Variants in GALNTL6 observed in about 807,000 individuals in gnomAD.
The protein encoded by GALNTL6 is polypeptide N-acetylgalactosaminyltransferase-like 6.
In GALNTL6, 46 loss-of-function variants were observed where a neutral mutation model predicts 73.7. The ratio of observed to expected loss-of-function variants is 0.62; its 90% CI spans 0.49 to 0.80. The LOEUF (loss-of-function observed/expected upper bound fraction) is 0.80, where lower values mean the gene tolerates loss of function less well. GALNTL6 is among the 30% of genes least tolerant of loss of function. The pLI is 0.00. For synonymous variants in GALNTL6, 259 were observed against 263.7 expected, an observed-to-expected ratio of 0.98 and a Z score of 0.17; for missense variants, 604 against 755.0, an observed-to-expected ratio of 0.80 and a Z score of 2.34.
At chr4:172,895,103 T>C (rs1330507685) in intron 8 of GALNTL6, among the ~76,000 whole-genome samples, 1 of 151,754 alleles carries the variant, frequency 6.6e-6, no homozygotes, top group African/African-American at 2.4e-5. Flanking sequence ...AGTGAGTTTC[T>C]TATAGGCAGC....
chr4:173,009,254 G>A lies in GALNTL6; in HGVS notation c.1448G>A (p.Cys483Tyr). The A allele has an allele frequency of 6.2e-7, 1 of 1,614,022 alleles. No homozygotes were observed. Among genetic ancestry groups the A allele is most frequent in the South Asian group, 1.1e-5 (1 of 91,090 alleles). ...ATGTELRLDI[C>Y]VKDGSERTWS... ...GGAACAGAGCTGAGGCTGGACATCT[G>A]TGTCAAGGATGGTTCTGAAAGAACA... is the stretch of plus-strand genomic sequence containing the variant. The change falls in exon 11 of 13, where the codon TGT becomes TAT. Residue 483 changes from cysteine (C) to tyrosine (Y), a missense_variant. This residue lies in a region of GALNTL6 where 261 missense variants were observed against 296.5 expected (regional missense o/e 0.88). Coordinates refer to ENST00000506823, the MANE Select transcript of GALNTL6 (RefSeq NM_001034845.3).
chr4:171,848,685 C>T (rs1735439975), intron 2 of GALNTL6, among the ~76,000 whole-genome samples: 1 of 152,176 alleles, frequency 6.6e-6, no homozygotes, highest in Non-Finnish European at 1.5e-5. Flanking sequence ...ACCTCATGAA[C>T]CAACCTCTCC....
intron 5 of GALNTL6, among the ~76,000 whole-genome samples, chr4:172,627,817 AT>A (rs2111086605): frequency 1.3e-5 from 2 of 151,794 alleles, no homozygotes; most frequent in South Asian, 4.2e-4. Flanking sequence ...GTCTCTGAGA[AT>A]TTTTTGTATT....
chr4:172,858,183 A>C (rs919877395), intron 7 of GALNTL6, among the ~76,000 whole-genome samples: 1 of 152,204 alleles, frequency 6.6e-6, no homozygotes, highest in African/African-American at 2.4e-5. Flanking sequence ...CTCCGATAAT[A>C]GAAACAACAC....
At chr4:172,005,608 A>ATG (rs2110768364) in intron 2 of GALNTL6, among the ~76,000 whole-genome samples, 1 of 152,292 alleles carries the variant, frequency 6.6e-6, no homozygotes, top group Non-Finnish European at 1.5e-5. Flanking sequence ...ACATATATGT[A>ATG]TGTGTGTGTA....
chr4:172,288,897 C>A (rs1200584289), intron 3 of GALNTL6, among the ~76,000 whole-genome samples: 1 of 152,028 alleles, frequency 6.6e-6, no homozygotes, highest in Non-Finnish European at 1.5e-5. Flanking sequence ...AACTAAAATG[C>A]CAATTTCAAA....
intron 7 of GALNTL6, among the ~76,000 whole-genome samples, chr4:172,881,396 G>C (rs1745442869): frequency 6.6e-6 from 1 of 152,148 alleles, no homozygotes. Context: ...CACTTTCCTG[G>C]AGAAAAACCT....
chr4:172,980,823 A>G (rs1266915295), intron 10 of GALNTL6, among the ~76,000 whole-genome samples: 1 of 152,206 alleles, frequency 6.6e-6, no homozygotes, highest in Non-Finnish European at 1.5e-5. Flanking sequence ...GGCACAATTC[A>G]GTCCATTACA....
intron 7 of GALNTL6, among the ~76,000 whole-genome samples, chr4:172,835,306 G>A (rs903850056): frequency 6.6e-6 from 1 of 152,212 alleles, no homozygotes. Context: ...ACTCCAGCTG[G>A]GAATTGCTGG....
chr4:172,654,637 CT>C (rs1730887181), intron 5 of GALNTL6, among the ~76,000 whole-genome samples: 1 of 152,178 alleles, frequency 6.6e-6, no homozygotes, highest in South Asian at 2.1e-4. Context: ...GCAGGCTGAA[CT>C]TCCCATAAAT....
intron 5 of GALNTL6, among the ~76,000 whole-genome samples, chr4:172,355,267 G>T (rs939835555): frequency 1.3e-5 from 2 of 151,906 alleles, no homozygotes; most frequent in Non-Finnish European, 2.9e-5. Flanking sequence ...AATTTACAAA[G>T]ATATATTTGC....
At chr4:172,131,332 T>A (rs1014117880) in intron 2 of GALNTL6, among the ~76,000 whole-genome samples, 4 of 149,612 alleles carry the variant, frequency 2.7e-5, no homozygotes, top group Non-Finnish European at 5.9e-5. Context: ...ATATTTAAAA[T>A]GAAAAAACAG....
intron 2 of GALNTL6, among the ~76,000 whole-genome samples, chr4:171,853,890 G>C (rs987091680): frequency 6.6e-5 from 10 of 152,008 alleles, no homozygotes; most frequent in Middle Eastern, 3.2e-3. Flanking sequence ...GGGATTACAG[G>C]CGTGAGCCAC....
intron 2 of GALNTL6, among the ~76,000 whole-genome samples, chr4:172,047,759 C>CA (rs1460796768): frequency 3.3e-5 from 5 of 151,068 alleles, no homozygotes; most frequent in Admixed American, 1.3e-4. Context: ...GAGCTATTAT[C>CA]AAAAAAACAA....
intron 2 of GALNTL6, among the ~76,000 whole-genome samples, chr4:171,840,396 C>T (rs1579500386): frequency 6.6e-6 from 1 of 152,044 alleles, no homozygotes; most frequent in South Asian, 2.1e-4. Flanking sequence ...TTAAAGAAAC[C>T]GTGGGCACTT....
intron 5 of GALNTL6, among the ~76,000 whole-genome samples, chr4:172,613,845 G>A (rs887658435): frequency 2.6e-5 from 4 of 152,040 alleles, no homozygotes; most frequent in Non-Finnish European, 5.9e-5. Flanking sequence ...CTGGGATCAA[G>A]CCTGAAACCC....
intron 5 of GALNTL6, among the ~76,000 whole-genome samples, chr4:172,574,815 A>C (rs1283454755): frequency 6.6e-6 from 1 of 152,162 alleles, no homozygotes; most frequent in Non-Finnish European, 1.5e-5. Context: ...TCTAAAATAT[A>C]TAAACTATGA....
intron 5 of GALNTL6, among the ~76,000 whole-genome samples, chr4:172,392,462 A>T (rs1030970154): frequency 5.5e-5 from 8 of 146,598 alleles, no homozygotes; most frequent in Non-Finnish European, 1.2e-4. Flanking sequence ...TTTCTTATTC[A>T]TTTTTTTTTT....
At chr4:172,007,458 AG>A (rs1472856370) in intron 2 of GALNTL6, among the ~76,000 whole-genome samples, 2 of 152,116 alleles carry the variant, frequency 1.3e-5, no homozygotes, top group African/African-American at 4.8e-5. Context: ...TGACAAAAAA[AG>A]AATACAGAAT....
Sources: allele counts gnomAD v4.1 joint callset (sites outside exome capture counted in the v4.1 genomes callset), GRCh38; gene constraint gnomAD v4.1.1; regional missense constraint gnomAD v4.1.1; transcripts MANE v1.5; gene names NCBI Gene and HGNC (gene_info 2026-07-23, HGNC 2026-07-21).